IGF2BP1: variants seen among roughly 807,000 people sequenced by gnomAD.
IGF2BP1 encodes insulin like growth factor 2 mRNA binding protein 1.
IGF2BP1 carries 11 observed loss-of-function variants against 74.9 expected under a neutral mutation model. The observed-to-expected ratio is 0.15, with a 90% CI of 0.09 to 0.24. IGF2BP1 has a LOEUF of 0.24. Ranked by LOEUF, IGF2BP1 falls within the 10% of genes least tolerant of loss-of-function variation. The probability of loss-of-function intolerance (pLI) is 1.00; values close to 1 mark genes in which losing one functional copy is unlikely to be tolerated. For synonymous variants in IGF2BP1, 287 were observed against 281.8 expected (o/e 1.02, Z -0.18); for missense variants, 440 against 757.4 (o/e 0.58, Z 4.92).
intron 4 of IGF2BP1, among the ~76,000 whole-genome samples, chr17:49,028,146 A>C (rs1032319468): frequency 6.6e-6 from 1 of 152,172 alleles, no homozygotes; most frequent in Admixed American, 6.5e-5. Context: ...CTGGGTAAGC[A>C]AGACTCTGTA....
intron 2 of IGF2BP1, chr17:49,004,841 A>C (rs756921928): frequency 6.6e-6 from 1 of 152,196 alleles, no homozygotes; most frequent in Non-Finnish European, 1.5e-5. Context: ...AAGGTCTCTC[A>C]AACCTGTACT....
intron 5 of IGF2BP1, among the ~76,000 whole-genome samples, chr17:49,035,546 G>A (rs1210227361): frequency 6.6e-6 from 1 of 152,240 alleles, no homozygotes; most frequent in Admixed American, 6.5e-5. Flanking sequence ...GCAGTGGCCT[G>A]CGGTGGGTAG....
At chr17:49,045,582 C>A (rs1054886775) in intron 12 of IGF2BP1, among the ~76,000 whole-genome samples, 114 of 152,170 alleles carry the variant, frequency 7.5e-4, no homozygotes, top group Non-Finnish European at 1.6e-3. Flanking sequence ...CGTCCAGATT[C>A]CATAGGTCTG....
chr17:49,001,778 A>G (rs1182012510), intron 2 of IGF2BP1, among the ~76,000 whole-genome samples: 2 of 152,176 alleles, frequency 1.3e-5, no homozygotes, highest in East Asian at 3.8e-4. Context: ...GAAAAACCAA[A>G]TGCATTTAAA....
chr17:49,041,380 C>T lies in IGF2BP1; in HGVS notation c.821C>T (p.Ala274Val), dbSNP rs1567826065. 1 of 1,614,050 alleles carries T rather than the reference C, an allele frequency of 6.2e-7. No individual in the cohort carries two copies. Among genetic ancestry groups the T allele is most frequent in the Non-Finnish European group, 8.5e-7 (1 of 1,179,988 alleles). The change falls in exon 8 of 15, where the codon GCT becomes GTT. Residue 274 changes from alanine (A) to valine (V), a missense_variant and splice_region_variant. Ala to Val is a moderately conservative substitution (Grantham distance 64). This residue lies in a region of IGF2BP1 where 184 missense variants were observed against 273.4 expected (regional missense o/e 0.67). Transcript: ENST00000290341. Reference sequence around the variant, plus strand: ...ACTTCTTCCTTTGTCTTCCCAAGGGCTGACGAGGTTCCCCTGAAGATCCTG... The same window carrying T: ...ACTTCTTCCTTTGTCTTCCCAAGGGTTGACGAGGTTCCCCTGAAGATCCTG... ...MHKEAKDTKTADEVPLKILAH... is the reference protein window; with the variant it reads ...MHKEAKDTKTVDEVPLKILAH...
chr17:48,999,761 C>G (rs761481300), intron 2 of IGF2BP1, among the ~76,000 whole-genome samples: 1 of 151,922 alleles, frequency 6.6e-6, no homozygotes, highest in Non-Finnish European at 1.5e-5. Context: ...CTCTCCCCAG[C>G]TGGATTTTCC....
intron 2 of IGF2BP1, among the ~76,000 whole-genome samples, chr17:49,020,064 T>A (rs1308325418): frequency 5.8e-5 from 1 of 17,272 alleles, no homozygotes; most frequent in Non-Finnish European, 1.2e-4. Context: ...GGGGGTGGGG[T>A]GGGGTGGGGG....
intron 1 of IGF2BP1, 37 bp from the exon 2 acceptor site, chr17:48,999,072 C>CA (rs1567806416): frequency 1.5e-6 from 2 of 1,291,738 alleles, no homozygotes; most frequent in Non-Finnish European, 1.1e-6. Context: ...AACCCCTGTT[C>CA]AAGCTCTCAT....
rs987445536 is a variant in IGF2BP1, at chr17:49,038,406, G to C, written c.640G>C (p.Glu214Gln). 6.3e-7 allele frequency: 1 copy of C among 1,581,132 alleles called. No individual in the cohort carries two copies. The highest frequency in any genetic ancestry group is 8.6e-7 in the Non-Finnish European group (1 of 1,163,294). The change falls in exon 6 of 15, where the codon GAG becomes CAG. Residue 214 changes from glutamate to glutamine, a missense_variant. This residue lies in a region of IGF2BP1 where 184 missense variants were observed against 273.4 expected (regional missense o/e 0.67). Coordinates refer to ENST00000290341, the MANE Select transcript of IGF2BP1 (RefSeq NM_006546.4). ...GTATGTGGGTGCCATTATTGGCAAG[G>C]AGGGGGCCACCATCCGCAACATCAC... ...TQYVGAIIGK[E>Q]GATIRNITKQ... is the part of the protein sequence containing the mutation.
In IGF2BP1 at chr17:49,043,533, C is replaced by T; in HGVS notation, c.1183C>T (p.Pro395Ser). 6.2e-7 allele frequency: 1 copy of T among 1,614,036 alleles called. No homozygotes were observed. The highest frequency in any genetic ancestry group is 8.5e-7 in the Non-Finnish European group (1 of 1,179,968). ...PPPSSVTGAAPYSSFMQAPEQ... is the reference protein window; with the variant it reads ...PPPSSVTGAASYSSFMQAPEQ... ...TCCCAGCAGCGTTACTGGGGCTGCT[C>T]CCTATAGCTCCTTTATGGTAGGTGG... Residue 395 changes from proline (P) to serine (S), a missense_variant, in exon 10 of 15, where the codon CCC becomes TCC. This residue lies in a region of IGF2BP1 where 31 missense variants were observed against 27.0 expected (regional missense o/e 1.15). Transcript: ENST00000290341.
rs1782970723 is a variant in IGF2BP1 at position 49,044,997 on chromosome 17, C to T, written c.1327C>T (p.Pro443Ser). The T allele has an allele frequency of 1.2e-6, 2 of 1,613,930 alleles. No homozygotes were observed. Among genetic ancestry groups the T allele is most frequent in the East Asian group, 2.2e-5 (1 of 44,888 alleles). ...CTAGCTTTTTGCTTTTTAGATTGCA[C>T]CACCCGAAACACCTGACTCCAAAGT... ...RFASASIKIAPPETPDSKVRM... is the reference protein window; with the variant it reads ...RFASASIKIASPETPDSKVRM... The change falls in exon 12 of 15, where the codon CCA becomes TCA. Residue 443 changes from proline (P) to serine (S), a missense_variant. This residue lies in a region of IGF2BP1 where 117 missense variants were observed against 237.2 expected (regional missense o/e 0.49). Coordinates refer to ENST00000290341, the MANE Select transcript of IGF2BP1 (RefSeq NM_006546.4).
chr17:49,020,409 TC>T (rs1306996409), intron 2 of IGF2BP1, among the ~76,000 whole-genome samples: 2 of 152,208 alleles, frequency 1.3e-5, no homozygotes, highest in African/African-American at 2.4e-5. Context: ...CATATAATTC[TC>T]CCTACCCACT....
chr17:49,048,402 G>A (rs1331683124), intron 14 of IGF2BP1, among the ~76,000 whole-genome samples: 6 of 151,710 alleles, frequency 4.0e-5, no homozygotes, highest in Non-Finnish European at 8.8e-5. Flanking sequence ...ACAGGCGCAC[G>A]TCACCACGCT....
chr17:49,000,524 G>A (rs1007762237), intron 2 of IGF2BP1, among the ~76,000 whole-genome samples: 3 of 152,150 alleles, frequency 2.0e-5, no homozygotes, highest in East Asian at 3.8e-4. Flanking sequence ...TGGGAAGGAA[G>A]AAAAGAAGTC....
intron 11 of IGF2BP1, 72 bp downstream of exon 11, chr17:49,044,158 C>T: frequency 1.3e-6 from 2 of 1,548,006 alleles, no homozygotes; most frequent in South Asian, 1.2e-5. Context: ...TGCACTTTCT[C>T]CCATATTCCC....
rs751403640 is a variant in IGF2BP1 at position 48,997,737 on chromosome 17, A to G, written c.-9A>G. 1 of 1,611,832 alleles carries G rather than the reference A, an allele frequency of 6.2e-7. No homozygotes were observed. Among genetic ancestry groups the G allele is most frequent in the South Asian group, 1.1e-5 (1 of 90,806 alleles). ...GCCCGGGACCGCGTCCTGCCCCGAGACCGCCACCATGAACAAGCTTTACAT... is the reference window on the plus strand; with the variant it reads ...GCCCGGGACCGCGTCCTGCCCCGAGGCCGCCACCATGAACAAGCTTTACAT... On this transcript the variant is annotated 5_prime_UTR_variant, in exon 1 of 15. Transcript: ENST00000290341. The surrounding 1 kb of genome is among the most constrained non-coding windows in gnomAD (Gnocchi z 4.8).
chr17:49,054,149 G>C lies in IGF2BP1; in HGVS notation c.*4705G>C, dbSNP rs913486844. ...CAGGGAGGAGGCCTCATGTCTGAAG[G>C]GGGATTTAGGGGCGAGAGCCCCAGC... On this transcript the variant is annotated 3_prime_UTR_variant, in exon 15 of 15. Coordinates refer to ENST00000290341, the MANE Select transcript of IGF2BP1 (RefSeq NM_006546.4). The C allele has an allele frequency of 1.3e-5, 2 of 152,608 alleles. No individual in the cohort carries two copies. The highest frequency in any genetic ancestry group is 6.5e-5 in the Admixed American group (1 of 15,290). The allele number at this position is 152,608 out of a possible 1,614,324, so 9.5% of individuals were successfully genotyped here.
chr17:49,049,156 AG>A (rs1158109162), intron 14 of IGF2BP1, among the ~76,000 whole-genome samples, 195 bp from the exon 15 acceptor site: 1 of 152,118 alleles, frequency 6.6e-6, no homozygotes, highest in African/African-American at 2.4e-5. Flanking sequence ...TGTATTTTCC[AG>A]GGGATACTCA....
intron 2 of IGF2BP1, among the ~76,000 whole-genome samples, chr17:49,000,632 A>G (rs1406721881): frequency 1.3e-5 from 2 of 152,220 alleles, no homozygotes; most frequent in African/African-American, 4.8e-5. Flanking sequence ...TTGAACTGAA[A>G]GCTGAGTGTT....
Sources: gnomAD v4.1 joint callset for allele counts (sites outside exome capture counted in the v4.1 genomes callset) on GRCh38, gnomAD v4.1.1 for gene constraint, gnomAD v4.1.1 regional missense constraint, Gnocchi (gnomAD v3.1) non-coding constraint, MANE v1.5 for transcripts, NCBI Gene and HGNC (gene_info 2026-07-23, HGNC 2026-07-21) for gene names.